DLGAP2: variants seen among roughly 807,000 people sequenced by gnomAD.
DLGAP2 encodes the protein DLG associated protein 2.
A neutral mutation model predicts 100.3 loss-of-function variants in DLGAP2; 26 were observed. That is an observed-to-expected ratio of 0.26 (90% CI 0.19 to 0.36). The LOEUF (loss-of-function observed/expected upper bound fraction) is 0.36. DLGAP2 is among the 10% of genes least tolerant of loss of function. DLGAP2 has a pLI of 1.00. For missense variants in DLGAP2, 1,858 were observed against 1,453.2 expected, an observed-to-expected ratio of 1.28 and a Z score of -4.53; for synonymous variants, 886 against 630.1, an observed-to-expected ratio of 1.41 and a Z score of -6.08.
At chr8:814,459 A>T (rs972095233) in intron 1 of DLGAP2, among the ~76,000 whole-genome samples, 1 of 152,198 alleles carries the variant, frequency 6.6e-6, no homozygotes, top group African/African-American at 2.4e-5. Context: ...TTATGTAACT[A>T]TGTCCTGAGG....
intron 3 of DLGAP2, among the ~76,000 whole-genome samples, chr8:1,350,309 G>A (rs562923237): frequency 3.3e-5 from 3 of 90,390 alleles, no homozygotes; most frequent in South Asian, 5.7e-4. Flanking sequence ...AAGGCCGTGC[G>A]GGTCCTGAGC....
chr8:820,219 A>C (rs1256299439), intron 1 of DLGAP2, among the ~76,000 whole-genome samples: 1 of 152,254 alleles, frequency 6.6e-6, no homozygotes, highest in Non-Finnish European at 1.5e-5. Context: ...AACATGTTAA[A>C]TATGTAATCA....
At chr8:913,445 G>C (rs1266826521) in intron 2 of DLGAP2, among the ~76,000 whole-genome samples, 7 of 152,224 alleles carry the variant, frequency 4.6e-5, no homozygotes, top group African/African-American at 1.7e-4. Context: ...GATAGCTGCT[G>C]GCAGTGAGAG....
chr8:945,629 C>CA, intron 2 of DLGAP2, among the ~76,000 whole-genome samples: 1 of 152,060 alleles, frequency 6.6e-6, no homozygotes, highest in East Asian at 1.9e-4. Flanking sequence ...TTTGTTCCCC[C>CA]AAAAAGCCTA....
At chr8:1,508,034 A>G (rs537563324) in intron 4 of DLGAP2, among the ~76,000 whole-genome samples, 1 of 151,898 alleles carries the variant, frequency 6.6e-6, no homozygotes, top group South Asian at 2.1e-4. Flanking sequence ...GGTCATTGTC[A>G]GTTAATCACA....
At chr8:1,572,535 G>GTAT (rs2130607343) in intron 6 of DLGAP2, among the ~76,000 whole-genome samples, 2 of 130,454 alleles carry the variant, frequency 1.5e-5, no homozygotes, top group African/African-American at 5.9e-5. Flanking sequence ...AGGGTGAACT[G>GTAT]TGGGGGCGTC....
intron 4 of DLGAP2, among the ~76,000 whole-genome samples, chr8:1,525,105 C>T (rs923027801): frequency 2.6e-5 from 4 of 151,258 alleles, no homozygotes; most frequent in African/African-American, 9.7e-5. Context: ...CCTTTTTGTA[C>T]AGCTTCTGGA....
chr8:1,328,772 C>T (rs1031296887), intron 3 of DLGAP2, among the ~76,000 whole-genome samples: 11 of 152,270 alleles, frequency 7.2e-5, no homozygotes, highest in Middle Eastern at 3.4e-3. Flanking sequence ...CGGGAGACGG[C>T]GGAAATGTCG....
chr8:1,201,343 C>T (rs766071310), intron 2 of DLGAP2, among the ~76,000 whole-genome samples: 2 of 152,196 alleles, frequency 1.3e-5, no homozygotes, highest in African/African-American at 4.8e-5. Flanking sequence ...GAGCTCTGCT[C>T]CCGCTCAGGG....
chr8:1,145,252 A>G (rs938979256), intron 2 of DLGAP2, among the ~76,000 whole-genome samples: 5 of 152,130 alleles, frequency 3.3e-5, no homozygotes, highest in African/African-American at 1.2e-4. Context: ...CCCAGCCACC[A>G]TCCGGAAACA....
At chr8:755,118 G>T (rs1355171774) in intron 1 of DLGAP2, among the ~76,000 whole-genome samples, 1 of 152,100 alleles carries the variant, frequency 6.6e-6, no homozygotes, top group Non-Finnish European at 1.5e-5. Context: ...ACTGGGTTTG[G>T]CCTTGAGTGT....
intron 4 of DLGAP2, among the ~76,000 whole-genome samples, chr8:1,519,291 A>G (rs1800506819): frequency 7.3e-6 from 1 of 137,702 alleles, no homozygotes; most frequent in Non-Finnish European, 1.5e-5. Context: ...AAAGCATAGA[A>G]CCCTTGTCTA....
chr8:1,083,066 A>G (rs76461670), intron 2 of DLGAP2, among the ~76,000 whole-genome samples: 3,805 of 152,326 alleles, frequency 0.025, 151 homozygotes, highest in African/African-American at 0.088. Context: ...GTTTGCTGTC[A>G]GTCAAGCCAA....
At chr8:858,405 T>G (rs766178448) in intron 1 of DLGAP2, among the ~76,000 whole-genome samples, 1 of 152,224 alleles carries the variant, frequency 6.6e-6, no homozygotes, top group Non-Finnish European at 1.5e-5. Context: ...AAAGGTTCAG[T>G]GGCTGCCATG....
intron 4 of DLGAP2, among the ~76,000 whole-genome samples, chr8:1,503,522 G>A (rs10101686): frequency 0.07 from 10,666 of 152,152 alleles, 547 homozygotes; most frequent in Non-Finnish European, 0.1. Context: ...TTCCTCCGTG[G>A]ACAGACCCCG....
intron 1 of DLGAP2, among the ~76,000 whole-genome samples, chr8:895,315 A>G (rs1381308071): frequency 6.6e-6 from 1 of 152,158 alleles, no homozygotes; most frequent in African/African-American, 2.4e-5. Flanking sequence ...ACTAAAAATA[A>G]AACTTAAAAT....
intron 1 of DLGAP2, among the ~76,000 whole-genome samples, chr8:868,934 A>G (rs17065399): frequency 0.044 from 6,713 of 152,262 alleles, 240 homozygotes; most frequent in African/African-American, 0.09. Context: ...TGAAGTGAAT[A>G]TGTGACAATT....
chr8:969,574 A>C (rs1178554230), intron 2 of DLGAP2, among the ~76,000 whole-genome samples: 1 of 151,940 alleles, frequency 6.6e-6, no homozygotes, highest in African/African-American at 2.4e-5. Flanking sequence ...TTAAATAATT[A>C]TATTACCAAC....
chr8:1,587,135 C>T (rs1796145425), intron 6 of DLGAP2, among the ~76,000 whole-genome samples: 1 of 152,184 alleles, frequency 6.6e-6, no homozygotes. Flanking sequence ...TTCCAAAGGG[C>T]AGTTTGAGAA....
Sources: gnomAD v4.1 joint callset for allele counts (sites outside exome capture counted in the v4.1 genomes callset) on GRCh38, gnomAD v4.1.1 for gene constraint, MANE v1.5 for transcripts, NCBI Gene and HGNC (gene_info 2026-07-23, HGNC 2026-07-21) for gene names.